Variants in PIKFYVE observed in about 807,000 individuals in gnomAD.
The protein encoded by PIKFYVE is phosphoinositide kinase, FYVE-type zinc finger containing.
In PIKFYVE, 122 loss-of-function variants were observed where a neutral mutation model predicts 257.9. The observed-to-expected ratio is 0.47, with a 90% CI of 0.41 to 0.55. PIKFYVE has a LOEUF of 0.55. Among genes scored for constraint, PIKFYVE ranks in the 20% least tolerant of loss-of-function variants. The pLI is 0.00. For synonymous variants in PIKFYVE, 892 were observed against 868.9 expected (o/e 1.03, Z -0.47); for missense variants, 2,160 against 2,536.6 (o/e 0.85, Z 3.19).
Position 208,271,746 on chromosome 2 carries a change from C to T in PIKFYVE, c.172+55C>T. ...TTCAGGTCTGATTGTTTGAAATGCT[C>T]CTTTGTCTCCAGTGGCTCACCATGA... is the stretch of plus-strand genomic sequence containing the variant. On this transcript the variant is annotated intron_variant, in intron 2 of 41. Coordinates refer to ENST00000264380, the MANE Select transcript of PIKFYVE (RefSeq NM_015040.4). 2.0e-6 allele frequency: 3 copies of T among 1,534,808 alleles called. No homozygotes were observed. In the South Asian group the frequency reaches 3.4e-5, roughly 17 times the overall value.
At chr2:208,289,472 C>T (rs984466295) in intron 7 of PIKFYVE, among the ~76,000 whole-genome samples, 3 of 151,958 alleles carry the variant, frequency 2.0e-5, no homozygotes, top group Non-Finnish European at 4.4e-5. Context: ...ACTCTCTCGC[C>T]AGGCTGGAGT....
At chr2:208,335,006 T>G (rs1176280243) in intron 24 of PIKFYVE, among the ~76,000 whole-genome samples, 1 of 152,168 alleles carries the variant, frequency 6.6e-6, no homozygotes, top group Non-Finnish European at 1.5e-5. Flanking sequence ...GTATTTTAGT[T>G]TCCTTATTAA....
intron 9 of PIKFYVE, among the ~76,000 whole-genome samples, chr2:208,301,587 A>C (rs1040715109): frequency 6.6e-6 from 1 of 152,196 alleles, no homozygotes; most frequent in African/African-American, 2.4e-5. Flanking sequence ...CTCTCATGGG[A>C]AGAAAAAGGT....
chr2:208,333,016 C>T (rs1161277684), intron 23 of PIKFYVE, among the ~76,000 whole-genome samples: 2 of 152,052 alleles, frequency 1.3e-5, no homozygotes, highest in Non-Finnish European at 2.9e-5. Context: ...AGGTGGATCA[C>T]GAGGTCAGAA....
At chr2:208,354,802 T>C (rs763706024) in intron 41 of PIKFYVE, among the ~76,000 whole-genome samples, 157 bp downstream of exon 41, 7 of 152,222 alleles carry the variant, frequency 4.6e-5, no homozygotes, top group Non-Finnish European at 4.4e-5. Context: ...ATGAGAATTA[T>C]ATAGGTGGGG....
At chr2:208,329,484 CATGG>C (rs1219167164) in intron 21 of PIKFYVE, among the ~76,000 whole-genome samples, 1 of 152,176 alleles carries the variant, frequency 6.6e-6, no homozygotes, top group Non-Finnish European at 1.5e-5. Context: ...TCAGTAAAGG[CATGG>C]ACAAGAGAGT....
rs548922060 is a variant in PIKFYVE, at chr2:208,274,154, T to C, written c.322+421T>C. 7.3e-5 allele frequency: 94 copies of C among 1,292,270 alleles called. No homozygotes were observed. The Admixed American group carries it at 1.6e-3, about 22-fold the overall frequency. 80.1% of individuals were successfully genotyped at this position (1,292,270 alleles called of 1,614,324 possible). ...CTGCAGAACTCTGTCAACTCCATTA[T>C]TGGGCTGCCACTTGCTCTTGGCCTT... is the stretch of plus-strand genomic sequence containing the variant. On this transcript the variant is annotated intron_variant, in intron 3 of 41. Coordinates refer to ENST00000264380, the MANE Select transcript of PIKFYVE (RefSeq NM_015040.4).
In PIKFYVE at chr2:208,325,502, G is replaced by A. The variant is rs111372672; in HGVS notation, c.2691G>A (p.Gly897=). The A allele has an allele frequency of 2.0e-5, 33 of 1,614,176 alleles. No homozygotes were observed. In the African/African-American group the frequency reaches 2.7e-4, roughly 13 times the overall value. Residue 897 remains glycine (G), a synonymous_variant, in exon 20 of 42, where the codon GGG becomes GGA. Coordinates refer to ENST00000264380, the MANE Select transcript of PIKFYVE (RefSeq NM_015040.4). ...TCCATTCCCTGATTGAGGGACGAGG[G>A]CATGAGGGGGCTGTCCAAGAGCAGT... ...PSFHSLIEGR[G]HEGAVQEQYG...
chr2:208,313,863 G>A (rs1421401910), intron 13 of PIKFYVE, among the ~76,000 whole-genome samples: 4 of 152,156 alleles, frequency 2.6e-5, no homozygotes, highest in South Asian at 2.1e-4. Context: ...AATTACAGGC[G>A]TGAGCTACCA....
chr2:208,324,384 C>G (rs1291066352), intron 18 of PIKFYVE, 102 bp downstream of exon 18: 3 of 1,265,212 alleles, frequency 2.4e-6, no homozygotes, highest in Non-Finnish European at 3.4e-6. Context: ...CTTTGCTGTT[C>G]TATTTGTATT....
At chr2:208,348,337 G>T (rs1699429970) in intron 35 of PIKFYVE, among the ~76,000 whole-genome samples, 1 of 152,156 alleles carries the variant, frequency 6.6e-6, no homozygotes, top group Non-Finnish European at 1.5e-5. Context: ...GTCTTAATAT[G>T]TAACTCATAT....
intron 7 of PIKFYVE, among the ~76,000 whole-genome samples, chr2:208,293,115 G>T (rs1198601758): frequency 4.2e-5 from 6 of 143,048 alleles, no homozygotes; most frequent in African/African-American, 7.7e-5. Flanking sequence ...CCTAGAGTTT[G>T]CAATGTAACT....
At chr2:208,349,178 A>G (rs941529511) in intron 35 of PIKFYVE, among the ~76,000 whole-genome samples, 5 of 152,082 alleles carry the variant, frequency 3.3e-5, no homozygotes, top group Admixed American at 2.6e-4. Flanking sequence ...CAAAAAAACC[A>G]ACTGCTGTAA....
chr2:208,308,689 TATG>T (rs1446863005), intron 12 of PIKFYVE, among the ~76,000 whole-genome samples: 1 of 148,762 alleles, frequency 6.7e-6, no homozygotes, highest in Non-Finnish European at 1.5e-5. Flanking sequence ...TGTAAGAGCT[TATG>T]ATAACACTAG....
intron 30 of PIKFYVE, 38 bp downstream of exon 30, chr2:208,339,593 C>G (rs749422508): frequency 6.2e-7 from 1 of 1,608,332 alleles, no homozygotes; most frequent in Non-Finnish European, 8.5e-7. Flanking sequence ...TTCATTGTAT[C>G]TAAGACTGAA....
intron 38 of PIKFYVE, among the ~76,000 whole-genome samples, chr2:208,352,001 C>T (rs368333912): frequency 8.8e-4 from 134 of 152,258 alleles, no homozygotes; most frequent in African/African-American, 3.1e-3. Context: ...AAATTGATCT[C>T]TGTTATGCTA....
At chr2:208,271,130 C>G (rs140139248) in intron 1 of PIKFYVE, among the ~76,000 whole-genome samples, 87 of 151,830 alleles carry the variant, frequency 5.7e-4, no homozygotes, top group African/African-American at 2.1e-3. Flanking sequence ...CTTTAAAAAG[C>G]TGTTGTGTAT....
intron 24 of PIKFYVE, among the ~76,000 whole-genome samples, 160 bp from the exon 25 acceptor site, chr2:208,335,146 G>T (rs1697992299): frequency 6.6e-6 from 1 of 152,160 alleles, no homozygotes; most frequent in South Asian, 2.1e-4. Context: ...GATATTTATT[G>T]TAACAGCTAA....
At chr2:208,289,880 A>G (rs890940982) in intron 7 of PIKFYVE, among the ~76,000 whole-genome samples, 3 of 152,128 alleles carry the variant, frequency 2.0e-5, no homozygotes, top group East Asian at 1.9e-4. Context: ...CGTTTTTTAT[A>G]TTGTATATAC....
Sources: allele counts gnomAD v4.1 joint callset (sites outside exome capture counted in the v4.1 genomes callset), GRCh38; gene constraint gnomAD v4.1.1; transcripts MANE v1.5; gene names NCBI Gene and HGNC (gene_info 2026-07-23, HGNC 2026-07-21).